The following KDELR3 variants were observed in gnomAD, a reference collection of about 807,000 sequenced individuals.
KDELR3 encodes the protein KDEL endoplasmic reticulum protein retention receptor 3.
Under a neutral mutation model 22.7 loss-of-function variants are expected in KDELR3, and 26 were observed. The observed-to-expected ratio is 1.15, with a 90% confidence interval of 0.84 to 1.59. KDELR3 has a LOEUF of 1.59. KDELR3 is among the 40% of genes most tolerant of loss of function. The probability of loss-of-function intolerance (pLI) is 0.00; values close to 1 mark genes in which losing one functional copy is unlikely to be tolerated. For synonymous variants in KDELR3, 120 were observed against 98.2 expected (o/e 1.22, Z -1.31); for missense variants, 289 against 251.1 (o/e 1.15, Z -1.02).
At chr22:38,477,013 G>GA (rs1313765788) in intron 2 of KDELR3, among the ~76,000 whole-genome samples, 1 of 148,924 alleles carries the variant, frequency 6.7e-6, no homozygotes, top group Non-Finnish European at 1.5e-5. Context: ...AAGTTCAAGA[G>GA]ATTCTGCCTC....
At chr22:38,476,811 A>T (rs937745834) in intron 2 of KDELR3, among the ~76,000 whole-genome samples, 1 of 146,266 alleles carries the variant, frequency 6.8e-6, no homozygotes, top group South Asian at 2.1e-4. Context: ...GGCGTGAGCC[A>T]CCACACCTGG....
chr22:38,480,251 C>G (rs1209487012), intron 3 of KDELR3, among the ~76,000 whole-genome samples: 1 of 152,106 alleles, frequency 6.6e-6, no homozygotes, highest in Admixed American at 6.5e-5. Context: ...TCAGGTGATT[C>G]TCCTGTCTCA....
At chr22:38,472,830 GCT>G (rs1167498714) in intron 1 of KDELR3, among the ~76,000 whole-genome samples, 120 of 151,766 alleles carry the variant, frequency 7.9e-4, no homozygotes, top group African/African-American at 2.9e-3. Flanking sequence ...CTCCCAAGTA[GCT>G]GGGGTTACAG....
intron 1 of KDELR3, 134 bp downstream of exon 1, chr22:38,468,458 G>A (rs747813299): frequency 7.6e-6 from 5 of 658,510 alleles, no homozygotes; most frequent in African/African-American, 1.8e-5. Flanking sequence ...ACTTTGCGGA[G>A]CTCCACTTCC....
intron 3 of KDELR3, among the ~76,000 whole-genome samples, chr22:38,480,475 T>C (rs2089591710): frequency 6.6e-6 from 1 of 152,078 alleles, no homozygotes; most frequent in Non-Finnish European, 1.5e-5. Flanking sequence ...TCAATTATGA[T>C]TTTATACTAT....
At chr22:38,474,316 G>C (rs1024826889) in intron 1 of KDELR3, 2 of 521,648 alleles carry the variant, frequency 3.8e-6, no homozygotes, top group African/African-American at 3.9e-5. Flanking sequence ...ACAGATTACA[G>C]TTTAATGAGA....
chr22:38,476,497 T>C (rs1029456368), intron 2 of KDELR3, among the ~76,000 whole-genome samples: 23 of 151,068 alleles, frequency 1.5e-4, no homozygotes, highest in African/African-American at 5.3e-4. Context: ...GGATTACAGG[T>C]GTGAGCCATT....
intron 2 of KDELR3, among the ~76,000 whole-genome samples, chr22:38,478,257 CT>C (rs2089573220): frequency 6.6e-6 from 1 of 151,904 alleles, no homozygotes; most frequent in Admixed American, 6.6e-5. Flanking sequence ...GAAATACAAA[CT>C]TTTAAGGCTG....
At chr22:38,472,576 G>C in intron 1 of KDELR3, among the ~76,000 whole-genome samples, 1 of 152,152 alleles carries the variant, frequency 6.6e-6, no homozygotes, top group Non-Finnish European at 1.5e-5. Flanking sequence ...AATGGAAAAA[G>C]GGCAGCAGTG....
intron 1 of KDELR3, 182 bp from the exon 2 acceptor site, chr22:38,474,341 A>C (rs761584921): frequency 2.7e-4 from 153 of 559,736 alleles, no homozygotes; most frequent in Non-Finnish European, 4.5e-4. Flanking sequence ...CGACGACTCA[A>C]GTGATCCGAT....
chr22:38,474,311 T>G, intron 1 of KDELR3: 1 of 490,308 alleles, frequency 2.0e-6, no homozygotes, highest in South Asian at 2.6e-5. Flanking sequence ...GGGAGACAGA[T>G]TACAGTTTAA....
chr22:38,482,712 C>T lies in KDELR3; in HGVS notation c.*176C>T. 1.6e-6 allele frequency: 1 copy of T among 607,788 alleles called. No individual in the cohort carries two copies. The highest frequency in any genetic ancestry group is 2.9e-6 in the Non-Finnish European group (1 of 344,518). 37.6% of individuals were successfully genotyped at this position (607,788 alleles called of 1,614,324 possible). A position where few individuals can be genotyped will look rare whatever the true frequency, so the allele number is the denominator to read the frequency against. On this transcript the variant is annotated 3_prime_UTR_variant, in exon 5 of 5. Coordinates refer to ENST00000216014, the MANE Select transcript of KDELR3 (RefSeq NM_006855.4). ...AGAAGACCTTCTCATCAATAGATCG[C>T]CCTTAAAGACCCATTGTAAGGTCAT...
intron 2 of KDELR3, among the ~76,000 whole-genome samples, 196 bp from the exon 3 acceptor site, chr22:38,479,397 T>C (rs1040271473): frequency 6.6e-6 from 1 of 152,122 alleles, no homozygotes; most frequent in Admixed American, 6.5e-5. Flanking sequence ...TATAGAAGCA[T>C]GGAGTTATTT....
chr22:38,476,288 C>T (rs1004145385), intron 2 of KDELR3, among the ~76,000 whole-genome samples: 6 of 151,638 alleles, frequency 4.0e-5, no homozygotes, highest in African/African-American at 7.3e-5. Context: ...GGGGCAATCT[C>T]GGCTCACTGC....
chr22:38,483,195 C>T lies in KDELR3; in HGVS notation c.*659C>T, dbSNP rs367596937. On this transcript the variant is annotated 3_prime_UTR_variant, in exon 5 of 5. Transcript: ENST00000216014. The stretch of plus-strand genomic sequence containing the variant: ...TACCAATAACCTAATGGTACTTAGG[C>T]GAGTACCATTTGCACAATCACTGTT... 5 of 152,202 alleles carry T rather than the reference C, an allele frequency of 3.3e-5. No individual in the cohort carries two copies. The highest frequency in any genetic ancestry group is 1.2e-4 in the African/African-American group (5 of 41,422). The allele number at this position is 152,202 out of a possible 1,614,324, so 9.4% of individuals were successfully genotyped here. A position where few individuals can be genotyped will look rare whatever the true frequency, so the allele number is the denominator to read the frequency against.
intron 2 of KDELR3, among the ~76,000 whole-genome samples, chr22:38,475,617 A>C (rs569019394): frequency 6.6e-6 from 1 of 152,178 alleles, no homozygotes; most frequent in Admixed American, 6.6e-5. Context: ...AGATCAAAGG[A>C]CACACCTTCT....
Position 38,478,813 on chromosome 22 carries a change from T to A in KDELR3, c.193-780T>A, listed in dbSNP as rs192623667. On this transcript the variant is annotated intron_variant, in intron 2 of 4. Coordinates refer to ENST00000216014, the MANE Select transcript of KDELR3 (RefSeq NM_006855.4). ...GCCCGCATGCATGCCTGGCTAGTTT[T>A]TTTATTTTTAGTAGAAACAGGGTTT... 3.5e-3 allele frequency among the ~76,000 whole-genome samples: 525 copies of A among 151,364 alleles called. 5 individuals are homozygous for A. The highest frequency in any genetic ancestry group is 0.012 in the African/African-American group (507 of 41,302).
rs2089614358 is a variant in KDELR3, at chr22:38,482,792, A to T, written c.*256A>T. 1 of 500,396 alleles carries T rather than the reference A, an allele frequency of 2.0e-6. No homozygotes were observed. The highest frequency in any genetic ancestry group is 3.5e-6 in the Non-Finnish European group (1 of 283,830). 31.0% of individuals were successfully genotyped at this position (500,396 alleles called of 1,614,324 possible). ...GTGCCTCACTGCAACAAGAAACCTT[A>T]AGGTGTCTTACCGACGAAATAAAAA... On this transcript the variant is annotated 3_prime_UTR_variant, in exon 5 of 5. Transcript: ENST00000216014.
Position 38,472,425 on chromosome 22 carries a change from C to T in KDELR3, c.92-2098C>T, listed in dbSNP as rs530564955. ...CCGGGAGGCAGACGTTGCAGTGAGT[C>T]GAGATCGCACCACTGCACTCCAGCC... On this transcript the variant is annotated intron_variant, in intron 1 of 4. Transcript: ENST00000216014. 1.1e-4 allele frequency among the ~76,000 whole-genome samples: 17 copies of T among 150,210 alleles called. 1 individual carries two copies. Among genetic ancestry groups the T allele is most frequent in the East Asian group, 4.0e-4 (2 of 4,954 alleles).
Sources: allele counts gnomAD v4.1 joint callset (sites outside exome capture counted in the v4.1 genomes callset), GRCh38; gene constraint gnomAD v4.1.1; transcripts MANE v1.5; gene names NCBI Gene and HGNC (gene_info 2026-07-23, HGNC 2026-07-21).